The following TTBK2 variants were observed in gnomAD, a reference collection of about 807,000 sequenced individuals.
TTBK2 encodes the protein tau tubulin kinase 2.
A neutral mutation model predicts 110.8 loss-of-function variants in TTBK2; 28 were observed. The observed-to-expected ratio is 0.25, with a 90% CI of 0.19 to 0.35. The LOEUF is 0.35. Among genes scored for constraint, TTBK2 ranks in the 10% least tolerant of loss-of-function variants. The probability of loss-of-function intolerance (pLI) is 1.00; values close to 1 mark genes in which losing one functional copy is unlikely to be tolerated. For synonymous variants in TTBK2, 532 were observed against 527.3 expected (o/e 1.01, Z -0.12); for missense variants, 1,369 against 1,500.3 (o/e 0.91, Z 1.45).
chr15:42,802,212 A>T (rs1185070534), intron 9 of TTBK2: 2 of 981,078 alleles, frequency 2.0e-6, no homozygotes, highest in Admixed American at 3.4e-5. Flanking sequence ...TTTGGTTGAC[A>T]GTGATGGTGG....
chr15:42,829,891 T>C (rs1892679183), intron 5 of TTBK2, 47 bp downstream of exon 5: 4 of 1,610,642 alleles, frequency 2.5e-6, no homozygotes, highest in Non-Finnish European at 3.4e-6. Flanking sequence ...ATCATAACAT[T>C]AAAAGTATCA....
chr15:42,887,979 C>T (rs557468972), intron 1 of TTBK2, among the ~76,000 whole-genome samples: 2 of 152,288 alleles, frequency 1.3e-5, no homozygotes, highest in Non-Finnish European at 2.9e-5. Flanking sequence ...ACCCCAATCC[C>T]TTCTATGAAA....
intron 13 of TTBK2, among the ~76,000 whole-genome samples, chr15:42,768,537 G>T (rs978580297): frequency 2.0e-5 from 3 of 152,060 alleles, no homozygotes; most frequent in African/African-American, 7.2e-5. Flanking sequence ...AAATACCTAG[G>T]AATCCAACTT....
rs964547098 is a variant in TTBK2, at chr15:42,745,659, A to G, written c.*136T>C. 3.7e-6 allele frequency: 4 copies of G among 1,072,206 alleles called. No individual in the cohort carries two copies. The African/African-American group carries it at 6.2e-5, about 17-fold the overall frequency. 66.4% of individuals were successfully genotyped at this position (1,072,206 alleles called of 1,614,324 possible). A position where few individuals can be genotyped will look rare whatever the true frequency, so the allele number is the denominator to read the frequency against. The stretch of plus-strand genomic sequence containing the variant: ...TCCTTATCATGTATTATGTCTTCTT[A>G]TAAATAATTGATCATGTTACTTTCT... On this transcript the variant is annotated 3_prime_UTR_variant, in exon 15 of 15. Coordinates refer to ENST00000267890, the MANE Select transcript of TTBK2 (RefSeq NM_173500.4).
At chr15:42,794,018 T>G (rs1890818888) in intron 10 of TTBK2, among the ~76,000 whole-genome samples, 2 of 150,388 alleles carry the variant, frequency 1.3e-5, no homozygotes, top group Admixed American at 1.3e-4. Flanking sequence ...TGGGCTCAAG[T>G]GATCCTTCTG....
chr15:42,752,331 T>TCC lies in TTBK2; in HGVS notation c.2914_2915insGG (p.Lys972ArgfsTer8). ...CTTGACTAGGTCTGGCTGATAGGCT[T>TCC]TCTTTTGGAGGAGCTTTTCTTTTGC... On this transcript the variant is annotated frameshift_variant, in exon 14 of 15. Coordinates refer to ENST00000267890, the MANE Select transcript of TTBK2 (RefSeq NM_173500.4). LOFTEE classifies it high-confidence loss of function. 1 of 1,614,214 alleles carries TCC rather than the reference T, an allele frequency of 6.2e-7. No individual in the cohort carries two copies. Among genetic ancestry groups the TCC allele is most frequent in the Non-Finnish European group, 8.5e-7 (1 of 1,180,026 alleles).
intron 13 of TTBK2, among the ~76,000 whole-genome samples, chr15:42,764,586 GTAAA>G (rs1889266463): frequency 6.6e-6 from 1 of 152,266 alleles, no homozygotes; most frequent in African/African-American, 2.4e-5. Flanking sequence ...GCTTGAGTAG[GTAAA>G]TAAAGCAGCC....
chr15:42,784,061 C>CAAAA (rs1287736250), intron 10 of TTBK2, among the ~76,000 whole-genome samples: 1 of 145,710 alleles, frequency 6.9e-6, no homozygotes, highest in Non-Finnish European at 1.5e-5. Flanking sequence ...GACTCCAGCT[C>CAAAA]AAAAAACAAA....
chr15:42,884,422 TATA>T (rs1347030900), intron 1 of TTBK2, among the ~76,000 whole-genome samples: 2 of 152,210 alleles, frequency 1.3e-5, no homozygotes, highest in African/African-American at 4.8e-5. Flanking sequence ...CATCTTTTGG[TATA>T]ATATTTGGTT....
chr15:42,797,858 C>G (rs909191816), intron 9 of TTBK2, among the ~76,000 whole-genome samples: 1 of 151,748 alleles, frequency 6.6e-6, no homozygotes, highest in Non-Finnish European at 1.5e-5. Flanking sequence ...AGTCCTCATG[C>G]CTTTTTTATT....
intron 4 of TTBK2, 125 bp downstream of exon 4, chr15:42,840,235 T>A (rs930877934): frequency 1.4e-5 from 12 of 883,862 alleles, no homozygotes; most frequent in Admixed American, 1.2e-4. Flanking sequence ...TACAGTTCCA[T>A]CTGCATAGTA....
At chr15:42,796,499 G>A (rs1475535214) in intron 9 of TTBK2, among the ~76,000 whole-genome samples, 1 of 152,174 alleles carries the variant, frequency 6.6e-6, no homozygotes, top group South Asian at 2.1e-4. Flanking sequence ...CTATAGCCTA[G>A]AGTACTCCAA....
chr15:42,826,926 A>G (rs1277544426), intron 6 of TTBK2, among the ~76,000 whole-genome samples: 1 of 152,220 alleles, frequency 6.6e-6, no homozygotes, highest in African/African-American at 2.4e-5. Context: ...ACTAGGGGGA[A>G]AAGATAGCTG....
intron 2 of TTBK2, among the ~76,000 whole-genome samples, chr15:42,875,388 A>G (rs1596010609): frequency 6.6e-6 from 1 of 152,150 alleles, no homozygotes; most frequent in Admixed American, 6.5e-5. Context: ...AGGCACAACA[A>G]TATCATCCAT....
Position 42,746,049 on chromosome 15 carries a change from G to A in TTBK2, c.3481C>T (p.Pro1161Ser), listed in dbSNP as rs948463594. The A allele has an allele frequency of 6.2e-7, 1 of 1,614,062 alleles. No homozygotes were observed. Among genetic ancestry groups the A allele is most frequent in the Non-Finnish European group, 8.5e-7 (1 of 1,180,038 alleles). Reference sequence around the variant, plus strand: ...GATGGTGAGGAACTAGACGTGCGAGGCAAGGATGAGCTTCGAGGAGAGGCA... The same window carrying A: ...GATGGTGAGGAACTAGACGTGCGAGACAAGGATGAGCTTCGAGGAGAGGCA... ...PSASPRSSSL[P>S]RTSSSSPSRA... Residue 1161 changes from proline (P) to serine (S), a missense_variant, in exon 15 of 15, where the codon CCT (proline) becomes TCT (serine). Pro to Ser is a moderately conservative substitution (Grantham distance 74). This residue lies in a region of TTBK2 where 1,097 missense variants were observed against 1,114.7 expected (regional missense o/e 0.98). Transcript: ENST00000267890.
At chr15:42,864,869 A>G (rs910072196) in intron 3 of TTBK2, among the ~76,000 whole-genome samples, 2 of 152,220 alleles carry the variant, frequency 1.3e-5, no homozygotes, top group Non-Finnish European at 2.9e-5. Context: ...TTTGCTCAAA[A>G]TAACAATAGC....
At position 42,817,052 on chromosome 15, in the gene TTBK2, T is replaced by A; in HGVS notation, c.583A>T (p.Ile195Phe). 3.7e-6 allele frequency: 6 copies of A among 1,606,938 alleles called. No individual in the cohort carries two copies. The highest frequency in any genetic ancestry group is 5.1e-6 in the Non-Finnish European group (6 of 1,175,706). ...GFRGTVRYAS[I>F]NAHRNREMGR... ...CCTACCCTGTTCCGATGTGCGTTGA[T>A]TGATGCATAACGAACTGTCCCTCGA... Residue 195 changes from isoleucine to phenylalanine, a missense_variant, in exon 7 of 15, where the codon ATC becomes TTC. Coordinates refer to ENST00000267890, the MANE Select transcript of TTBK2 (RefSeq NM_173500.4).
intron 3 of TTBK2, among the ~76,000 whole-genome samples, chr15:42,846,127 G>GA (rs59101747): frequency 0.059 from 8,345 of 142,500 alleles, 547 homozygotes; most frequent in East Asian, 0.19. Flanking sequence ...ATAATTACAG[G>GA]AAAAAAAAAA....
intron 11 of TTBK2, among the ~76,000 whole-genome samples, chr15:42,778,661 C>G (rs1890040614): frequency 6.6e-6 from 1 of 151,922 alleles, no homozygotes; most frequent in Non-Finnish European, 1.5e-5. Context: ...GACCAAGATT[C>G]CATCTCAAAA....
Sources: gnomAD v4.1 joint callset for allele counts (sites outside exome capture counted in the v4.1 genomes callset) on GRCh38, gnomAD v4.1.1 for gene constraint, gnomAD v4.1.1 regional missense constraint, MANE v1.5 for transcripts, NCBI Gene and HGNC (gene_info 2026-07-23, HGNC 2026-07-21) for gene names.